Variants in CALN1 observed in about 807,000 individuals in gnomAD.
CALN1 encodes calneuron 1, also known as calcium-binding protein 8.
Under a neutral mutation model 30.6 loss-of-function variants are expected in CALN1, and 17 were observed. The ratio of observed to expected loss-of-function variants is 0.56; its 90% CI spans 0.38 to 0.83. The LOEUF (loss-of-function observed/expected upper bound fraction) is 0.83. Among genes scored for constraint, CALN1 ranks in the 40% least tolerant of loss-of-function variants. The pLI is 0.00. For missense variants in CALN1, 291 were observed against 354.9 expected (o/e 0.82, Z 1.45); for synonymous variants, 156 against 131.4 (o/e 1.19, Z -1.28).
intron 2 of CALN1, among the ~76,000 whole-genome samples, chr7:72,324,747 A>G (rs7791904): frequency 0.013 from 1,934 of 151,798 alleles, 56 homozygotes; most frequent in African/African-American, 0.044. Flanking sequence ...ACACCCGGCT[A>G]ATTTTTGTAT....
intron 2 of CALN1, among the ~76,000 whole-genome samples, chr7:72,402,106 AT>A (rs1387908030): frequency 6.6e-6 from 1 of 152,094 alleles, no homozygotes; most frequent in Non-Finnish European, 1.5e-5. Flanking sequence ...AGCATTTGTC[AT>A]TTCCAGCTTT....
intron 3 of CALN1, among the ~76,000 whole-genome samples, chr7:72,132,817 C>T (rs1809247378): frequency 1.3e-5 from 2 of 152,104 alleles, no homozygotes; most frequent in East Asian, 3.9e-4. Context: ...TAGGGGTCCC[C>T]AACCCCCAGG....
intron 3 of CALN1, among the ~76,000 whole-genome samples, chr7:72,256,347 C>G (rs59718995): frequency 0.029 from 4,396 of 152,098 alleles, 209 homozygotes; most frequent in African/African-American, 0.099. Flanking sequence ...GTGGTCCCAG[C>G]TACTTGGGAG....
At chr7:71,869,180 T>C (rs969731716) in intron 5 of CALN1, among the ~76,000 whole-genome samples, 2 of 152,006 alleles carry the variant, frequency 1.3e-5, no homozygotes, top group Non-Finnish European at 1.5e-5. Flanking sequence ...TAGCAGAGAA[T>C]ACATTCAACT....
the CALN1 span, among the ~76,000 whole-genome samples, chr7:72,484,843 T>G: frequency 6.6e-6 from 1 of 152,330 alleles, no homozygotes; most frequent in East Asian, 1.9e-4. Flanking sequence ...TTAGGGATAA[T>G]GGGCCCTTCT....
At chr7:72,283,099 T>A (rs1797844670) in intron 2 of CALN1, among the ~76,000 whole-genome samples, 1 of 150,262 alleles carries the variant, frequency 6.7e-6, no homozygotes, top group South Asian at 2.1e-4. Flanking sequence ...TCAAAAACAG[T>A]GTTAGATTTG....
chr7:72,150,449 T>TA (rs1194672703), intron 3 of CALN1, among the ~76,000 whole-genome samples: 13 of 152,072 alleles, frequency 8.5e-5, no homozygotes, highest in East Asian at 5.8e-4. Context: ...CAAGTGCTAT[T>TA]AAAAAAAACA....
intron 5 of CALN1, among the ~76,000 whole-genome samples, chr7:71,885,498 T>G (rs866599389): frequency 9.2e-5 from 14 of 152,298 alleles, no homozygotes; most frequent in African/African-American, 2.9e-4. Context: ...TCCTGCCCCT[T>G]TAAGATGTAT....
intron 5 of CALN1, among the ~76,000 whole-genome samples, chr7:71,997,631 A>G (rs1200170877): frequency 1.3e-5 from 2 of 152,186 alleles, no homozygotes; most frequent in African/African-American, 4.8e-5. Context: ...GTTACAATTG[A>G]ACTTCTGATG....
At chr7:71,982,827 G>A (rs544314325) in intron 5 of CALN1, among the ~76,000 whole-genome samples, 1 of 152,246 alleles carries the variant, frequency 6.6e-6, no homozygotes, top group African/African-American at 2.4e-5. Flanking sequence ...GACATAGAAA[G>A]GCAGGCCAGA....
At chr7:71,843,003 G>A (rs987268951) in intron 5 of CALN1, among the ~76,000 whole-genome samples, 2 of 152,186 alleles carry the variant, frequency 1.3e-5, no homozygotes, top group African/African-American at 4.8e-5. Context: ...CCAGGGTAGT[G>A]AGAGGTTGTT....
At chr7:72,117,308 G>C (rs983382697) in intron 3 of CALN1, among the ~76,000 whole-genome samples, 3 of 152,134 alleles carry the variant, frequency 2.0e-5, no homozygotes, top group Non-Finnish European at 2.9e-5. Context: ...AGGAATGCTT[G>C]AGTTAAAATA....
intron 2 of CALN1, among the ~76,000 whole-genome samples, chr7:72,348,669 C>T (rs1802769451): frequency 6.6e-6 from 1 of 152,222 alleles, no homozygotes; most frequent in Non-Finnish European, 1.5e-5. Context: ...TCATTGAACA[C>T]CCGGCGGGTA....
intron 3 of CALN1, among the ~76,000 whole-genome samples, chr7:72,200,252 T>C (rs7776854): frequency 1.3e-5 from 2 of 152,104 alleles, no homozygotes; most frequent in African/African-American, 4.8e-5. Context: ...CTCTAGTCAG[T>C]CAGCCAGGGG....
intron 1 of CALN1, among the ~76,000 whole-genome samples, chr7:72,410,086 G>A (rs1214435862): frequency 2.6e-5 from 4 of 152,184 alleles, no homozygotes; most frequent in African/African-American, 9.7e-5. Flanking sequence ...TGCGGGTCAT[G>A]CCATATGGTG....
At chr7:71,875,486 T>C (rs1792190976) in intron 5 of CALN1, among the ~76,000 whole-genome samples, 1 of 152,186 alleles carries the variant, frequency 6.6e-6, no homozygotes, top group Admixed American at 6.5e-5. Context: ...TGCTTAACTC[T>C]GATATAATGA....
At chr7:72,072,130 C>T (rs1804439793) in intron 4 of CALN1, among the ~76,000 whole-genome samples, 1 of 152,150 alleles carries the variant, frequency 6.6e-6, no homozygotes, top group Non-Finnish European at 1.5e-5. Flanking sequence ...GGAAACTCCC[C>T]CAATCTGATG....
At chr7:72,234,599 A>T (rs752021741) in intron 3 of CALN1, among the ~76,000 whole-genome samples, 3 of 152,134 alleles carry the variant, frequency 2.0e-5, no homozygotes, top group Non-Finnish European at 2.9e-5. Context: ...GGTGTGCACC[A>T]CCACACGCAG....
At chr7:72,147,647 A>G (rs1786865127) in intron 3 of CALN1, among the ~76,000 whole-genome samples, 1 of 152,066 alleles carries the variant, frequency 6.6e-6, no homozygotes, top group Non-Finnish European at 1.5e-5. Context: ...ACACATGCAC[A>G]CATATGTTTA....
Sources: allele counts gnomAD v4.1 joint callset (sites outside exome capture counted in the v4.1 genomes callset), GRCh38; gene constraint gnomAD v4.1.1; transcripts MANE v1.5; gene names NCBI Gene and HGNC (gene_info 2026-07-23, HGNC 2026-07-21).